LRBA: variants seen among roughly 807,000 people sequenced by gnomAD.
The protein encoded by LRBA is lipopolysaccharide-responsive and beige-like anchor protein.
LRBA carries 176 observed loss-of-function variants against 330.0 expected under a neutral mutation model. That is an observed-to-expected ratio of 0.53 (90% CI 0.47 to 0.60). The LOEUF is 0.60. LRBA is among the 20% of genes least tolerant of loss of function. LRBA has a pLI of 0.00. For missense variants in LRBA, 3,259 were observed against 3,444.8 expected (o/e 0.95, Z 1.35); for synonymous variants, 1,230 against 1,193.0 (o/e 1.03, Z -0.64).
At chr4:150,896,368 T>A in intron 16 of LRBA, 26 bp downstream of exon 16, 1 of 1,268,192 alleles carries the variant, frequency 7.9e-7, no homozygotes, top group Non-Finnish European at 1.1e-6. Flanking sequence ...AAATTAAAAT[T>A]TCAAAATATA....
intron 40 of LRBA, among the ~76,000 whole-genome samples, chr4:150,512,662 C>T (rs1241289250): frequency 4.1e-5 from 6 of 148,050 alleles, no homozygotes; most frequent in Non-Finnish European, 7.4e-5. Context: ...GTTTATAAGC[C>T]ACCCAGTCTA....
At chr4:150,378,390 G>A (rs550465300) in intron 47 of LRBA, among the ~76,000 whole-genome samples, 54 of 152,184 alleles carry the variant, frequency 3.5e-4, no homozygotes, top group African/African-American at 1.2e-3. Flanking sequence ...TCTTCTGTAC[G>A]CAAGTAAATC....
At chr4:150,863,089 G>C (rs955873416) in intron 22 of LRBA, among the ~76,000 whole-genome samples, 1 of 152,006 alleles carries the variant, frequency 6.6e-6, no homozygotes, top group Non-Finnish European at 1.5e-5. Flanking sequence ...TTGAGTCCAG[G>C]AGTTGAAGAC....
chr4:150,442,556 C>T lies in LRBA; in HGVS notation c.6781-5692G>A, dbSNP rs557606363. Among the ~76,000 whole-genome samples the T allele has an allele frequency of 1.2e-4, 19 of 152,200 alleles. No homozygotes were observed. In the South Asian group the frequency reaches 2.7e-3, roughly 22 times the overall value. On this transcript the variant is annotated intron_variant, in intron 44 of 56. Coordinates refer to ENST00000651943, the MANE Select transcript of LRBA (RefSeq NM_001364905.1). ...GGAAATCAGAAACATCCTTTAATTT[C>T]GTGATGACAGATAAAGCCTGCCTTA...
At chr4:150,766,746 T>C (rs1735813832) in intron 34 of LRBA, among the ~76,000 whole-genome samples, 1 of 152,170 alleles carries the variant, frequency 6.6e-6, no homozygotes, top group Non-Finnish European at 1.5e-5. Flanking sequence ...GTCTTGGTTA[T>C]CCTTCTCCCA....
At chr4:150,495,818 C>T (rs1363956139) in intron 40 of LRBA, among the ~76,000 whole-genome samples, 1 of 152,184 alleles carries the variant, frequency 6.6e-6, no homozygotes, top group Non-Finnish European at 1.5e-5. Flanking sequence ...TCCAATGAAT[C>T]AGTTGCCATA....
intron 47 of LRBA, among the ~76,000 whole-genome samples, chr4:150,395,577 ATATAAT>A (rs1744621120): frequency 6.6e-6 from 1 of 152,152 alleles, no homozygotes; most frequent in Non-Finnish European, 1.5e-5. Context: ...AATAAATTAA[ATATAAT>A]TATATCATTC....
intron 44 of LRBA, among the ~76,000 whole-genome samples, chr4:150,460,474 T>C (rs1754632951): frequency 6.6e-6 from 1 of 151,856 alleles, no homozygotes; most frequent in Admixed American, 6.6e-5. Context: ...TTTAGAACTA[T>C]TTGGATCCAA....
Position 150,581,516 on chromosome 4 carries a change from T to C in LRBA, c.6330+6532A>G, listed in dbSNP as rs568797489. ...AAGTAATTTTGTTACAGTTTGCACC[T>C]TCTACTACACAATGTTGATAGAATC... On this transcript the variant is annotated intron_variant, in intron 40 of 56. Transcript: ENST00000651943. The C allele has an allele frequency of 1.0e-4, 28 of 267,370 alleles. 1 individual carries two copies. In the South Asian group the frequency reaches 1.1e-3, roughly 11 times the overall value. The allele number at this position is 267,370 out of a possible 1,614,324, so 16.6% of individuals were successfully genotyped here.
At position 150,457,459 on chromosome 4, in the gene LRBA, T is replaced by C. The variant is rs1325581292; in HGVS notation, c.6780+10214A>G. On this transcript the variant is annotated intron_variant, in intron 44 of 56. Transcript: ENST00000651943. Reference sequence around the variant, plus strand: ...TTGAATAGAACTTGGAGAATAGAATTGGACAGGAATTTGAACATAAGAATA... The same window carrying C: ...TTGAATAGAACTTGGAGAATAGAATCGGACAGGAATTTGAACATAAGAATA... Among the ~76,000 whole-genome samples the C allele has an allele frequency of 2.6e-5, 4 of 152,016 alleles. No individual in the cohort carries two copies. The East Asian group carries it at 7.7e-4, about 29-fold the overall frequency.
chr4:150,976,236 T>C (rs1368874467), intron 2 of LRBA, among the ~76,000 whole-genome samples: 1 of 149,266 alleles, frequency 6.7e-6, no homozygotes, highest in Non-Finnish European at 1.5e-5. Context: ...CAGAAAAATA[T>C]TTGACTGACT....
At chr4:150,975,827 A>C (rs1740102942) in intron 2 of LRBA, among the ~76,000 whole-genome samples, 1 of 152,122 alleles carries the variant, frequency 6.6e-6, no homozygotes, top group South Asian at 2.1e-4. Context: ...AATATGGGAC[A>C]GTATCCAAAA....
Position 150,477,448 on chromosome 4 carries a change from A to G in LRBA, c.6552-5709T>C, listed in dbSNP as rs550183298. Among the ~76,000 whole-genome samples the G allele has an allele frequency of 2.0e-5, 3 of 152,256 alleles. No individual in the cohort carries two copies. The South Asian group carries it at 6.2e-4, about 32-fold the overall frequency. ...GGAAGCACCTTCTTCACAAGGCAGC[A>G]GTGGGGGTGGGAGAACCAAGAAAAA... On this transcript the variant is annotated intron_variant, in intron 42 of 56. Transcript: ENST00000651943.
chr4:150,773,798 A>G (rs6835805), intron 34 of LRBA, among the ~76,000 whole-genome samples: 4,109 of 152,276 alleles, frequency 0.027, 172 homozygotes, highest in African/African-American at 0.093. Flanking sequence ...TAATGACAAG[A>G]TGAATTCGAA....
At chr4:150,485,646 G>A (rs937263864) in intron 42 of LRBA, among the ~76,000 whole-genome samples, 3 of 151,782 alleles carry the variant, frequency 2.0e-5, no homozygotes, top group Non-Finnish European at 4.4e-5. Context: ...GACCGGCCTG[G>A]AACAGATCCT....
chr4:150,587,239 C>T (rs753168455), intron 40 of LRBA, among the ~76,000 whole-genome samples: 1 of 152,098 alleles, frequency 6.6e-6, no homozygotes, highest in Non-Finnish European at 1.5e-5. Context: ...ATCAAAGAAC[C>T]TACCAAAAAA....
chr4:150,436,936 G>T (rs1458546159), intron 44 of LRBA, 72 bp from the exon 45 acceptor site: 2 of 1,327,740 alleles, frequency 1.5e-6, no homozygotes, highest in Non-Finnish European at 2.2e-6. Flanking sequence ...CTCTTCTGAT[G>T]ATATCCTACT....
intron 17 of LRBA, among the ~76,000 whole-genome samples, chr4:150,873,512 C>T (rs1181079740): frequency 1.3e-5 from 2 of 151,938 alleles, no homozygotes; most frequent in Non-Finnish European, 2.9e-5. Context: ...ATCGCTTGAA[C>T]CTGGGAGGTG....
At chr4:150,828,128 G>A (rs1560876099) in intron 30 of LRBA, 52 bp downstream of exon 30, 3 of 1,546,028 alleles carry the variant, frequency 1.9e-6, no homozygotes, top group East Asian at 2.3e-5. Context: ...CCCCCATGTT[G>A]TTCAAGGGTC....
Sources: gnomAD v4.1 joint callset for allele counts (sites outside exome capture counted in the v4.1 genomes callset) on GRCh38, gnomAD v4.1.1 for gene constraint, MANE v1.5 for transcripts, NCBI Gene and HGNC (gene_info 2026-07-23, HGNC 2026-07-21) for gene names.